Variants in ARHGAP32 observed in about 807,000 individuals in gnomAD.
ARHGAP32 encodes Rho GTPase activating protein 32.
A neutral mutation model predicts 186.5 loss-of-function variants in ARHGAP32; 51 were observed. That is an observed-to-expected ratio of 0.27 (90% CI 0.22 to 0.35). The LOEUF (loss-of-function observed/expected upper bound fraction) is 0.35, where lower values mean the gene tolerates loss of function less well. ARHGAP32 is among the 10% of genes least tolerant of loss of function. The pLI, the probability that ARHGAP32 is intolerant of heterozygous loss-of-function variation, is 1.00. For missense variants in ARHGAP32, 2,186 were observed against 2,623.5 expected (o/e 0.83, Z 3.64); for synonymous variants, 950 against 964.3 (o/e 0.99, Z 0.27).
At chr11:129,214,245 A>G (rs1565470643) in intron 1 of ARHGAP32, among the ~76,000 whole-genome samples, 1 of 152,182 alleles carries the variant, frequency 6.6e-6, no homozygotes. Context: ...AATTCAAATG[A>G]AGTATAGACT....
chr11:129,219,300 A>C (rs1944684380), intron 1 of ARHGAP32, among the ~76,000 whole-genome samples: 1 of 152,194 alleles, frequency 6.6e-6, no homozygotes, highest in African/African-American at 2.4e-5. Flanking sequence ...TCATTCTCTC[A>C]TTCTTTATCC....
chr11:129,153,945 C>T (rs975737770), intron 2 of ARHGAP32, among the ~76,000 whole-genome samples: 10 of 151,992 alleles, frequency 6.6e-5, no homozygotes, highest in African/African-American at 1.4e-4. Flanking sequence ...AGAAAATAGA[C>T]AACTAACAGA....
chr11:129,089,114 A>T (rs920289690), intron 6 of ARHGAP32, among the ~76,000 whole-genome samples: 60 of 152,298 alleles, frequency 3.9e-4, no homozygotes, highest in African/African-American at 1.4e-3. Flanking sequence ...GAATGAGAAA[A>T]AAATATCCCA....
chr11:129,213,281 C>T (rs1944604313), intron 1 of ARHGAP32, among the ~76,000 whole-genome samples: 1 of 152,144 alleles, frequency 6.6e-6, no homozygotes, highest in Non-Finnish European at 1.5e-5. Flanking sequence ...TGGACAAAAT[C>T]ACTGCTTCCT....
At chr11:129,165,083 G>A (rs1387158028) in intron 1 of ARHGAP32, among the ~76,000 whole-genome samples, 2 of 152,104 alleles carry the variant, frequency 1.3e-5, no homozygotes, top group Non-Finnish European at 2.9e-5. Flanking sequence ...TGTAATCTTA[G>A]TGGGATGAGA....
At chr11:129,101,698 G>T (rs1385867745) in intron 5 of ARHGAP32, among the ~76,000 whole-genome samples, 1 of 152,088 alleles carries the variant, frequency 6.6e-6, no homozygotes, top group Non-Finnish European at 1.5e-5. Context: ...AAGAAATATG[G>T]GATTGTGTAA....
intron 1 of ARHGAP32, among the ~76,000 whole-genome samples, chr11:129,257,814 A>G (rs1334637551): frequency 6.6e-6 from 1 of 152,032 alleles, no homozygotes; most frequent in Non-Finnish European, 1.5e-5. Flanking sequence ...TTCTGACCCA[A>G]AGCATTATTT....
rs887962065 is a variant in ARHGAP32 at position 129,130,974 on chromosome 11, TAC to T, written c.226-6082_226-6081del. ...CAGAATCAGTGAATAAATTATGGCA[TAC>T]ATATATATGCAATGGAATTCTGTGA... On this transcript the variant is annotated intron_variant, in intron 2 of 22. Coordinates refer to ENST00000682385, the MANE Select transcript of ARHGAP32 (RefSeq NM_001378024.1). 1.5e-3 allele frequency among the ~76,000 whole-genome samples: 229 copies of T among 152,074 alleles called. 1 individual carries two copies. The highest frequency in any genetic ancestry group is 5.3e-3 in the African/African-American group (222 of 41,500).
At chr11:129,022,705 T>TTG (rs1938647882) in intron 11 of ARHGAP32, among the ~76,000 whole-genome samples, 1 of 152,244 alleles carries the variant, frequency 6.6e-6, no homozygotes, top group African/African-American at 2.4e-5. Flanking sequence ...TCTGAAAACT[T>TTG]TGAGAATCCC....
At chr11:129,136,628 T>C (rs1942940884) in intron 2 of ARHGAP32, among the ~76,000 whole-genome samples, 1 of 152,098 alleles carries the variant, frequency 6.6e-6, no homozygotes, top group South Asian at 2.1e-4. Flanking sequence ...ATCAAATCTA[T>C]CATTGTGTTA....
intron 6 of ARHGAP32, among the ~76,000 whole-genome samples, chr11:129,078,144 A>G (rs1399955173): frequency 1.3e-5 from 2 of 151,846 alleles, no homozygotes; most frequent in East Asian, 3.9e-4. Flanking sequence ...CACATCAGAC[A>G]CTCCCCAGCA....
chr11:129,192,234 G>C lies in ARHGAP32; in HGVS notation c.-36C>G, dbSNP rs1944285815. 6.8e-7 allele frequency: 1 copy of C among 1,472,172 alleles called. No individual in the cohort carries two copies. The highest frequency in any genetic ancestry group is 9.5e-7 in the Non-Finnish European group (1 of 1,054,296). The allele number at this position is 1,472,172 out of a possible 1,614,324, so 91.2% of individuals were successfully genotyped here. A position where few individuals can be genotyped will look rare whatever the true frequency, so the allele number is the denominator to read the frequency against. On this transcript the variant is annotated 5_prime_UTR_variant, in exon 1 of 23. Coordinates refer to ENST00000682385, the MANE Select transcript of ARHGAP32 (RefSeq NM_001378024.1). The stretch of plus-strand genomic sequence containing the variant: ...AAAAACAAAAAAAACTAAACCTCCA[G>C]GCATGGAATAAAAAGCACCAACATT...
intron 17 of ARHGAP32, 45 bp downstream of exon 17, chr11:128,981,371 A>G (rs758678422): frequency 4.2e-5 from 64 of 1,540,298 alleles, no homozygotes; most frequent in Non-Finnish European, 8.8e-6. Context: ...CTCCTCTGGA[A>G]GCTGAGACAC....
At chr11:129,262,455 C>A (rs926975511) in intron 1 of ARHGAP32, among the ~76,000 whole-genome samples, 1 of 151,810 alleles carries the variant, frequency 6.6e-6, no homozygotes, top group Non-Finnish European at 1.5e-5. Flanking sequence ...GCAATCTTGG[C>A]TCACCGCAGC....
intron 10 of ARHGAP32, among the ~76,000 whole-genome samples, chr11:129,045,424 G>A (rs1377342844): frequency 6.6e-6 from 1 of 152,130 alleles, no homozygotes; most frequent in Non-Finnish European, 1.5e-5. Context: ...AAACATCAAG[G>A]AGTCTTTTAA....
intron 1 of ARHGAP32, among the ~76,000 whole-genome samples, chr11:129,276,743 C>A (rs1207007794): frequency 3.3e-5 from 5 of 152,138 alleles, no homozygotes; most frequent in African/African-American, 1.2e-4. Context: ...TTCTGCAGAG[C>A]ATTTTCATAT....
intron 11 of ARHGAP32, among the ~76,000 whole-genome samples, chr11:129,036,224 C>G (rs1165044787): frequency 6.6e-6 from 1 of 151,602 alleles, no homozygotes; most frequent in Non-Finnish European, 1.5e-5. Flanking sequence ...ATGAAAAATA[C>G]AAAAAGTTAG....
chr11:129,263,048 A>G (rs1945345574), intron 1 of ARHGAP32, among the ~76,000 whole-genome samples: 1 of 152,168 alleles, frequency 6.6e-6, no homozygotes, highest in African/African-American at 2.4e-5. Context: ...TTCACACACA[A>G]AAAATGAAAT....
intron 5 of ARHGAP32, 107 bp from the exon 6 acceptor site, chr11:129,093,814 G>A: frequency 1.3e-6 from 1 of 748,436 alleles, no homozygotes. Context: ...GTGAGCATCA[G>A]CTTAATGTGA....
Sources: allele counts gnomAD v4.1 joint callset (sites outside exome capture counted in the v4.1 genomes callset), GRCh38; gene constraint gnomAD v4.1.1; transcripts MANE v1.5; gene names NCBI Gene and HGNC (gene_info 2026-07-23, HGNC 2026-07-21).